The following EYA1 variants were observed in gnomAD, a reference collection of about 807,000 sequenced individuals.
EYA1 encodes protein phosphatase EYA1.
A neutral mutation model predicts 82.0 loss-of-function variants in EYA1; 16 were observed. That is an observed-to-expected ratio of 0.20 (90% confidence interval 0.13 to 0.30). EYA1 has a LOEUF of 0.30. Among genes scored for constraint, EYA1 ranks in the 10% least tolerant of loss-of-function variants. The pLI is 1.00. For missense variants in EYA1, 633 were observed against 730.7 expected, an observed-to-expected ratio of 0.87 and a Z score of 1.54; for synonymous variants, 261 against 264.4, an observed-to-expected ratio of 0.99 and a Z score of 0.12.
chr8:71,528,830 T>A (rs758261467), intron 2 of EYA1, among the ~76,000 whole-genome samples: 4 of 152,168 alleles, frequency 2.6e-5, no homozygotes, highest in Non-Finnish European at 5.9e-5. Flanking sequence ...TATGCCTAAT[T>A]TACAAATGAG....
intron 12 of EYA1, among the ~76,000 whole-genome samples, chr8:71,242,965 CGG>C (rs34689897): frequency 6.6e-6 from 1 of 151,430 alleles, no homozygotes; most frequent in African/African-American, 2.4e-5. Context: ...TTAATAGAGA[CGG>C]GGGTTTCTCC....
chr8:71,270,171 A>G lies in EYA1; in HGVS notation c.967-348T>C, dbSNP rs968439768. The stretch of plus-strand genomic sequence containing the variant: ...GTTATAACTTGAGATAGAGATGAGC[A>G]ACTAATCATATATCATTTATCTTTT... On this transcript the variant is annotated intron_variant, in intron 10 of 17. Transcript: ENST00000340726. 6.2e-5 allele frequency: 13 copies of G among 211,128 alleles called. No individual in the cohort carries two copies. In the Admixed American group the frequency reaches 7.0e-4, roughly 11 times the overall value. The allele number at this position is 211,128 out of a possible 1,614,324, so 13.1% of individuals were successfully genotyped here. A position where few individuals can be genotyped will look rare whatever the true frequency, so the allele number is the denominator to read the frequency against.
rs530921368 is a variant in EYA1, at chr8:71,354,872, G to A, written c.34C>T (p.Arg12Cys). Reference protein sequence around the residue: ...EMQDLTSPHSRLSGSSESPSG... With the variant: ...EMQDLTSPHSCLSGSSESPSG... ...GGGGATTCACTACTACCACTCAGAC[G>A]GCTATGCGGGCTGGTTAGATCCTGC... The change falls in exon 3 of 18, where the codon CGT (arginine) becomes TGT (cysteine). Residue 12 changes from arginine (R) to cysteine (C), a missense_variant. By Grantham distance (180) the Arg-to-Cys change is radical (BLOSUM62 -3). Transcript: ENST00000340726. The A allele has an allele frequency of 2.4e-5, 38 of 1,613,516 alleles. No individual in the cohort carries two copies. The highest frequency in any genetic ancestry group is 6.7e-5 in the Admixed American group (4 of 59,994).
Position 71,486,761 on chromosome 8 carries a change from C to T in EYA1, c.33+48983G>A, listed in dbSNP as rs112188563. 2.0e-3 allele frequency among the ~76,000 whole-genome samples: 308 copies of T among 152,196 alleles called. 2 individuals are homozygous for T. The highest frequency in any genetic ancestry group is 7.1e-3 in the African/African-American group (294 of 41,536). ...GAGGTTCTAAGAAAGCACGTCTGCCCTGCAGACCCAAACTCTCCCACCAGG... is the reference window on the plus strand; with the variant it reads ...GAGGTTCTAAGAAAGCACGTCTGCCTTGCAGACCCAAACTCTCCCACCAGG... On this transcript the variant is annotated intron_variant, in intron 2 of 18. Transcript: ENST00000643681.
At chr8:71,495,208 T>A (rs1811324383) in intron 2 of EYA1, among the ~76,000 whole-genome samples, 1 of 152,242 alleles carries the variant, frequency 6.6e-6, no homozygotes, top group Admixed American at 6.5e-5. Context: ...ACAATTAAAA[T>A]TTTCAAATTT....
chr8:71,209,923 G>A (rs1808295115), intron 17 of EYA1, among the ~76,000 whole-genome samples: 1 of 152,194 alleles, frequency 6.6e-6, no homozygotes, highest in Non-Finnish European at 1.5e-5. Flanking sequence ...CTGAATCTGT[G>A]AAGCTCACAT....
intron 2 of EYA1, among the ~76,000 whole-genome samples, chr8:71,444,648 C>G (rs1238520608): frequency 4.6e-5 from 7 of 152,182 alleles, no homozygotes; most frequent in African/African-American, 1.7e-4. Context: ...GACTGAGCAT[C>G]CGTATGTACT....
At chr8:71,265,177 G>T (rs1204514190) in intron 11 of EYA1, among the ~76,000 whole-genome samples, 2 of 148,220 alleles carry the variant, frequency 1.3e-5, no homozygotes, top group African/African-American at 5.1e-5. Flanking sequence ...GTTTTTTTTT[G>T]ATAGTGAAGC....
intron 2 of EYA1, among the ~76,000 whole-genome samples, chr8:71,458,052 T>A (rs1304240453): frequency 6.6e-6 from 1 of 152,128 alleles, no homozygotes; most frequent in Non-Finnish European, 1.5e-5. Context: ...AGAGCGAATA[T>A]CTTGTTCTGT....
At chr8:71,434,299 T>C (rs1789441091) in intron 2 of EYA1, among the ~76,000 whole-genome samples, 1 of 152,218 alleles carries the variant, frequency 6.6e-6, no homozygotes, top group Non-Finnish European at 1.5e-5. Flanking sequence ...GGGACACCAA[T>C]GTTTCCTTCA....
intron 2 of EYA1, among the ~76,000 whole-genome samples, chr8:71,481,170 T>TA (rs559922694): frequency 3.2e-4 from 48 of 152,262 alleles, no homozygotes; most frequent in African/African-American, 1.0e-3. Flanking sequence ...TTAGAAAAGT[T>TA]AAAAAAAGTT....
At chr8:71,303,219 C>G (rs1820378367) in intron 7 of EYA1, among the ~76,000 whole-genome samples, 1 of 141,566 alleles carries the variant, frequency 7.1e-6, no homozygotes, top group African/African-American at 2.5e-5. Context: ...TCCCTCTAAA[C>G]CTGGGTTGCT....
At chr8:71,461,125 A>G (rs1808330352) in intron 2 of EYA1, among the ~76,000 whole-genome samples, 1 of 152,120 alleles carries the variant, frequency 6.6e-6, no homozygotes, top group African/African-American at 2.4e-5. Context: ...ATTTTGTTGC[A>G]GGATCCTTGA....
intron 10 of EYA1, among the ~76,000 whole-genome samples, chr8:71,270,466 A>G (rs1455814033): frequency 6.6e-6 from 1 of 152,220 alleles, no homozygotes; most frequent in Non-Finnish European, 1.5e-5. Context: ...TAAAATGGGA[A>G]CTGAAGGAAT....
At chr8:71,425,346 T>C (rs1014733065) in intron 2 of EYA1, among the ~76,000 whole-genome samples, 1 of 151,992 alleles carries the variant, frequency 6.6e-6, no homozygotes, top group African/African-American at 2.4e-5. Context: ...AGGGAGAGGT[T>C]GAGAAAGCAA....
intron 12 of EYA1, among the ~76,000 whole-genome samples, chr8:71,221,427 G>T (rs865794184): frequency 1.3e-5 from 2 of 152,280 alleles, no homozygotes; most frequent in African/African-American, 4.8e-5. Flanking sequence ...AGTCACAGAT[G>T]TGAGAACTGA....
chr8:71,521,859 T>G (rs932204654), intron 2 of EYA1, among the ~76,000 whole-genome samples: 1 of 152,284 alleles, frequency 6.6e-6, no homozygotes, highest in South Asian at 2.1e-4. Flanking sequence ...TAAGTTCAGA[T>G]TTTTAACTAT....
chr8:71,474,484 G>C (rs1370575563), intron 2 of EYA1, among the ~76,000 whole-genome samples: 1 of 152,122 alleles, frequency 6.6e-6, no homozygotes, highest in Non-Finnish European at 1.5e-5. Context: ...TTTTGCAAAA[G>C]CTTCTACCTA....
At chr8:71,362,163 T>TTC (rs1488753959), upstream of EYA1, 6 of 974,346 alleles carry the variant, frequency 6.2e-6, no homozygotes, top group Non-Finnish European at 6.1e-6. Flanking sequence ...TTCTTTTTTT[T>TTC]TTTTTTTTTT....
Sources: gnomAD v4.1 joint callset for allele counts (sites outside exome capture counted in the v4.1 genomes callset) on GRCh38, gnomAD v4.1.1 for gene constraint, MANE v1.5 for transcripts, NCBI Gene and HGNC (gene_info 2026-07-23, HGNC 2026-07-21) for gene names.